The following TSHZ2 variants were observed in gnomAD, a reference collection of about 807,000 sequenced individuals.
TSHZ2 encodes the protein teashirt homolog 2.
A neutral mutation model predicts 74.4 loss-of-function variants in TSHZ2; 21 were observed. The observed-to-expected ratio is 0.28, with a 90% confidence interval of 0.20 to 0.41. TSHZ2 has a LOEUF of 0.41. TSHZ2 is among the 10% of genes least tolerant of loss of function. The pLI, the probability that TSHZ2 is intolerant of heterozygous loss-of-function variation, is 1.00. For synonymous variants in TSHZ2, 540 were observed against 515.3 expected (o/e 1.05, Z -0.65); for missense variants, 1,244 against 1,293.5 (o/e 0.96, Z 0.59).
Position 53,216,895 on chromosome 20 carries a change from T to C in TSHZ2, c.41-36604T>C, listed in dbSNP as rs185180991. Among the ~76,000 whole-genome samples the C allele has an allele frequency of 3.8e-3, 583 of 152,302 alleles. 5 individuals are homozygous for C. The highest frequency in any genetic ancestry group is 0.013 in the African/African-American group (556 of 41,562). ...TCTCCCTGCAGCCCCTGGCAGCTCC[T>C]GGCGACTCACTTCACCGCCCGGAGA... On this transcript the variant is annotated intron_variant, in intron 1 of 2. Coordinates refer to ENST00000371497, the MANE Select transcript of TSHZ2 (RefSeq NM_173485.6).
chr20:53,463,895 A>G (rs1985479145), intron 2 of TSHZ2, among the ~76,000 whole-genome samples: 1 of 152,232 alleles, frequency 6.6e-6, no homozygotes, highest in South Asian at 2.1e-4. Flanking sequence ...ATTAAATAAG[A>G]TATAATTGGT....
chr20:53,444,007 C>T (rs1055732767), intron 2 of TSHZ2, among the ~76,000 whole-genome samples: 2 of 152,104 alleles, frequency 1.3e-5, no homozygotes, highest in African/African-American at 4.8e-5. Flanking sequence ...CCCTGGGAAT[C>T]GTCTCTCTAG....
intron 1 of TSHZ2, among the ~76,000 whole-genome samples, chr20:53,252,154 A>G (rs1355583068): frequency 6.6e-5 from 10 of 152,258 alleles, no homozygotes; most frequent in Admixed American, 4.6e-4. Flanking sequence ...CAGCAGCAGC[A>G]GCGGCAGCCT....
intron 1 of TSHZ2, among the ~76,000 whole-genome samples, chr20:53,128,229 C>T (rs1378956322): frequency 6.6e-6 from 1 of 152,186 alleles, no homozygotes; most frequent in Non-Finnish European, 1.5e-5. Flanking sequence ...TGAAGAGGCT[C>T]AACCCCATAT....
At chr20:53,089,320 CTTTTTTTTT>C (rs5841928) in intron 1 of TSHZ2, among the ~76,000 whole-genome samples, 1 of 100,022 alleles carries the variant, frequency 1.0e-5, no homozygotes, top group Admixed American at 1.0e-4. Context: ...ATGGGATTTT[CTTTTTTTTT>C]TTTTTTTTTT....
chr20:53,298,050 C>T (rs921541901), intron 2 of TSHZ2, among the ~76,000 whole-genome samples: 11 of 152,178 alleles, frequency 7.2e-5, no homozygotes, highest in Non-Finnish European at 1.5e-4. Context: ...CAACTTCTTT[C>T]GGTCACCTAC....
intron 2 of TSHZ2, among the ~76,000 whole-genome samples, chr20:53,435,372 T>A (rs985997813): frequency 6.6e-6 from 1 of 152,206 alleles, no homozygotes; most frequent in Non-Finnish European, 1.5e-5. Context: ...CTAAGATGAC[T>A]GTTTCCTTCT....
intron 2 of TSHZ2, among the ~76,000 whole-genome samples, chr20:53,262,417 C>T (rs116955836): frequency 0.02 from 3,003 of 152,228 alleles, 51 homozygotes; most frequent in Non-Finnish European, 0.027. Context: ...GCTCCTAATG[C>T]AGTTAAAGCA....
chr20:53,053,535 C>T (rs954005301), intron 1 of TSHZ2, among the ~76,000 whole-genome samples: 2 of 151,872 alleles, frequency 1.3e-5, no homozygotes, highest in African/African-American at 4.8e-5. Context: ...AAAAAGAAAA[C>T]TGCTTCCATT....
chr20:53,038,192 C>CAAAAAAAAAAAAAAAAAAAAAA (rs869242676), intron 1 of TSHZ2, among the ~76,000 whole-genome samples: 1 of 53,918 alleles, frequency 1.9e-5, no homozygotes, highest in Non-Finnish European at 3.5e-5. Context: ...GATTCCGTCT[C>CAAAAAAAAAAAAAAAAAAAAAA]AAAAAAAAAA....
At chr20:53,179,901 C>G (rs1046311867) in intron 1 of TSHZ2, among the ~76,000 whole-genome samples, 1 of 152,200 alleles carries the variant, frequency 6.6e-6, no homozygotes, top group African/African-American at 2.4e-5. Flanking sequence ...CTTATTTACT[C>G]TGTTGTTCTC....
chr20:53,321,683 CAAAAA>C (rs59907513), intron 2 of TSHZ2, among the ~76,000 whole-genome samples: 1 of 58,306 alleles, frequency 1.7e-5, no homozygotes, highest in South Asian at 9.0e-4. Context: ...GACTCCATCT[CAAAAA>C]AAAAAAAAAA....
chr20:53,366,549 C>G (rs373114487), intron 2 of TSHZ2, among the ~76,000 whole-genome samples: 1 of 152,184 alleles, frequency 6.6e-6, no homozygotes, highest in African/African-American at 2.4e-5. Flanking sequence ...TTGTGGAAAG[C>G]GGGTCAACCT....
chr20:53,201,720 G>A (rs1007133140), intron 1 of TSHZ2, among the ~76,000 whole-genome samples: 5 of 152,212 alleles, frequency 3.3e-5, no homozygotes, highest in Admixed American at 3.3e-4. Flanking sequence ...CAGCACTATG[G>A]ACATTTTGAT....
intron 2 of TSHZ2, among the ~76,000 whole-genome samples, chr20:53,284,770 G>A (rs1000204426): frequency 6.7e-6 from 1 of 149,138 alleles, no homozygotes; most frequent in Admixed American, 6.7e-5. Context: ...AGAGGAGAGA[G>A]AAATAGAGAG....
chr20:53,106,790 C>G (rs1986388867), intron 1 of TSHZ2, among the ~76,000 whole-genome samples: 1 of 151,170 alleles, frequency 6.6e-6, no homozygotes, highest in African/African-American at 2.4e-5. Context: ...CTCCACCTCC[C>G]AGGTTCAAGC....
chr20:53,473,388 C>A (rs1381917428), intron 2 of TSHZ2, among the ~76,000 whole-genome samples: 1 of 142,320 alleles, frequency 7.0e-6, no homozygotes, highest in Middle Eastern at 3.6e-3. Context: ...CACCCCCCAG[C>A]AGGGGCACAC....
intron 1 of TSHZ2, among the ~76,000 whole-genome samples, chr20:53,100,599 C>G (rs2123290704): frequency 6.6e-6 from 1 of 152,246 alleles, no homozygotes; most frequent in South Asian, 2.1e-4. Flanking sequence ...GTTTCTCTGA[C>G]AGCTCTGTTT....
intron 2 of TSHZ2, among the ~76,000 whole-genome samples, chr20:53,450,051 G>GAAAT (rs1280239776): frequency 6.6e-6 from 1 of 152,218 alleles, no homozygotes; most frequent in African/African-American, 2.4e-5. Flanking sequence ...ATTGATTGAA[G>GAAAT]AAATACATCA....
Sources: allele counts gnomAD v4.1 joint callset (sites outside exome capture counted in the v4.1 genomes callset), GRCh38; gene constraint gnomAD v4.1.1; transcripts MANE v1.5; gene names NCBI Gene and HGNC (gene_info 2026-07-23, HGNC 2026-07-21).